Variants in YAP1 observed in about 807,000 individuals in gnomAD.
YAP1 encodes Yes1 associated transcriptional regulator, also known as transcriptional coactivator YAP1.
Under a neutral mutation model 56.9 loss-of-function variants are expected in YAP1, and 5 were observed. The observed-to-expected ratio is 0.09, with a 90% CI of 0.05 to 0.18. YAP1 has a LOEUF of 0.18. YAP1 is among the 10% of genes least tolerant of loss of function. YAP1 has a pLI of 1.00. For missense variants in YAP1, 539 were observed against 651.8 expected (o/e 0.83, Z 1.88); for synonymous variants, 265 against 248.1 (o/e 1.07, Z -0.64).
At chr11:102,202,857 G>T (rs1948944981) in intron 4 of YAP1, among the ~76,000 whole-genome samples, 1 of 152,138 alleles carries the variant, frequency 6.6e-6, no homozygotes, top group Admixed American at 6.5e-5. Flanking sequence ...CTCTCCTCAT[G>T]TAGTGCCACC....
intron 1 of YAP1, 144 bp from the exon 2 acceptor site, chr11:102,114,000 T>A: frequency 1.8e-6 from 1 of 567,488 alleles, no homozygotes; most frequent in Non-Finnish European, 2.7e-6. Context: ...TGAAAACCTG[T>A]GTTCTCCAGT....
intron 6 of YAP1, among the ~76,000 whole-genome samples, chr11:102,212,866 C>G (rs1233365559): frequency 6.6e-6 from 1 of 152,220 alleles, no homozygotes; most frequent in Non-Finnish European, 1.5e-5. Flanking sequence ...CAGGCATGAG[C>G]CACCACACCC....
intron 2 of YAP1, among the ~76,000 whole-genome samples, chr11:102,141,283 C>G (rs1238464399): frequency 3.3e-5 from 5 of 152,102 alleles, no homozygotes; most frequent in Non-Finnish European, 7.4e-5. Context: ...GAATGCTCAC[C>G]AAAAAGAAGT....
At chr11:102,122,873 G>C (rs373592730) in intron 2 of YAP1, among the ~76,000 whole-genome samples, 35 of 137,916 alleles carry the variant, frequency 2.5e-4, no homozygotes, top group South Asian at 1.6e-3. Context: ...TCTAGCCTGG[G>C]GGACAAGAGC....
chr11:102,167,853 C>T (rs549027892), intron 3 of YAP1, among the ~76,000 whole-genome samples: 1 of 152,222 alleles, frequency 6.6e-6, no homozygotes, highest in Non-Finnish European at 1.5e-5. Context: ...GCCTGGGCAA[C>T]ATAGGGAGAC....
intron 2 of YAP1, among the ~76,000 whole-genome samples, chr11:102,131,840 A>G (rs1944383940): frequency 6.6e-6 from 1 of 152,206 alleles, no homozygotes; most frequent in South Asian, 2.1e-4. Flanking sequence ...TTGTGGTATT[A>G]TAAATTTTGT....
intron 2 of YAP1, among the ~76,000 whole-genome samples, chr11:102,154,843 A>G (rs755946989): frequency 4.6e-5 from 7 of 152,200 alleles, no homozygotes; most frequent in Non-Finnish European, 1.0e-4. Context: ...TAAATACGCA[A>G]TGGATATGGT....
chr11:102,111,011 G>C lies in YAP1; in HGVS notation c.163G>C (p.Val55Leu), dbSNP rs1190867473. The C allele has an allele frequency of 6.3e-6, 10 of 1,599,342 alleles. No individual in the cohort carries two copies. Among genetic ancestry groups the C allele is most frequent in the Admixed American group, 5.1e-5 (3 of 58,434 alleles). ...GGCACCCCCCGCCGGGCATCAGATC[G>C]TGCACGTCCGCGGGGACTCGGAGAC... ...PQAPPAGHQIVHVRGDSETDL... is the reference protein window; with the variant it reads ...PQAPPAGHQILHVRGDSETDL... Residue 55 changes from valine to leucine, a missense_variant, in exon 1 of 9, where the codon GTG (valine) becomes CTG (leucine). Val to Leu is a conservative substitution (Grantham distance 32). This residue lies in a region of YAP1 where 106 missense variants were observed against 86.6 expected (regional missense o/e 1.22). Transcript: ENST00000282441.
intron 3 of YAP1, among the ~76,000 whole-genome samples, chr11:102,171,834 A>G (rs189838355): frequency 6.6e-6 from 1 of 152,292 alleles, no homozygotes; most frequent in East Asian, 1.9e-4. Context: ...GCCCTGCTTT[A>G]TACTATGCCC....
At chr11:102,172,300 A>ATTTTT (rs752185861) in intron 3 of YAP1, among the ~76,000 whole-genome samples, 5 of 110,820 alleles carry the variant, frequency 4.5e-5, no homozygotes, top group Non-Finnish European at 5.3e-5. Context: ...ACAGTGAAGA[A>ATTTTT]TTTTTTTTTT....
intron 7 of YAP1, among the ~76,000 whole-genome samples, chr11:102,226,614 AG>A (rs938399200): frequency 6.6e-6 from 1 of 152,204 alleles, no homozygotes; most frequent in African/African-American, 2.4e-5. Context: ...CTACTAGCTT[AG>A]GAAAGTGTTC....
At chr11:102,136,926 G>A (rs180796737) in intron 2 of YAP1, among the ~76,000 whole-genome samples, 2 of 152,280 alleles carry the variant, frequency 1.3e-5, no homozygotes, top group African/African-American at 4.8e-5. Flanking sequence ...AGTAGAGGAA[G>A]TCCTTTTATC....
At chr11:102,199,986 G>A (rs915124464) in intron 4 of YAP1, among the ~76,000 whole-genome samples, 1 of 151,994 alleles carries the variant, frequency 6.6e-6, no homozygotes, top group Admixed American at 6.6e-5. Context: ...TAATAAAAAA[G>A]TTAGTTTCAA....
At chr11:102,151,281 A>G (rs1330007848) in intron 2 of YAP1, among the ~76,000 whole-genome samples, 1 of 152,148 alleles carries the variant, frequency 6.6e-6, no homozygotes, top group Admixed American at 6.5e-5. Flanking sequence ...GTTTAGCTGA[A>G]ATGTACTTGG....
At chr11:102,148,819 A>G (rs1181539163) in intron 2 of YAP1, among the ~76,000 whole-genome samples, 1 of 152,148 alleles carries the variant, frequency 6.6e-6, no homozygotes, top group Admixed American at 6.5e-5. Flanking sequence ...GTTTGAAAGT[A>G]TATAAAAGCC....
At chr11:102,151,948 A>C (rs1451899303) in intron 2 of YAP1, among the ~76,000 whole-genome samples, 2 of 152,222 alleles carry the variant, frequency 1.3e-5, no homozygotes, top group Non-Finnish European at 2.9e-5. Flanking sequence ...TAAGCTGTGT[A>C]TCACAGCTCA....
At chr11:102,112,334 CTG>C (rs1942991381) in intron 1 of YAP1, 3 of 899,708 alleles carry the variant, frequency 3.3e-6, no homozygotes, top group South Asian at 1.0e-4. Flanking sequence ...AGAAGTGAAA[CTG>C]TTTATAATGA....
intron 2 of YAP1, among the ~76,000 whole-genome samples, chr11:102,122,245 C>A (rs927920802): frequency 7.0e-6 from 1 of 142,878 alleles, no homozygotes; most frequent in Non-Finnish European, 1.5e-5. Context: ...CAGTGAAAAC[C>A]GATCTCTACT....
intron 2 of YAP1, among the ~76,000 whole-genome samples, chr11:102,161,140 A>C (rs1386043464): frequency 6.9e-6 from 1 of 144,034 alleles, no homozygotes. Flanking sequence ...GGCTCACTGC[A>C]AGTTCCGCCT....
Sources: gnomAD v4.1 joint callset for allele counts (sites outside exome capture counted in the v4.1 genomes callset) on GRCh38, gnomAD v4.1.1 for gene constraint, gnomAD v4.1.1 regional missense constraint, MANE v1.5 for transcripts, NCBI Gene and HGNC (gene_info 2026-07-23, HGNC 2026-07-21) for gene names.